Variants in ALDH18A1 observed in about 807,000 individuals in gnomAD.
ALDH18A1 encodes the protein delta-1-pyrroline-5-carboxylate synthase.
In ALDH18A1, 44 loss-of-function variants were observed where a neutral mutation model predicts 88.8. That is an observed-to-expected ratio of 0.50 (90% CI 0.39 to 0.64). The LOEUF (loss-of-function observed/expected upper bound fraction) is 0.64, where lower values mean the gene tolerates loss of function less well. Among genes scored for constraint, ALDH18A1 ranks in the 30% least tolerant of loss-of-function variants. ALDH18A1 has a pLI of 0.00. For synonymous variants in ALDH18A1, 331 were observed against 372.1 expected, an observed-to-expected ratio of 0.89 and a Z score of 1.27; for missense variants, 782 against 1,009.5, an observed-to-expected ratio of 0.77 and a Z score of 3.05.
intron 3 of ALDH18A1, among the ~76,000 whole-genome samples, chr10:95,641,566 T>C (rs1293971962): frequency 2.0e-5 from 3 of 151,888 alleles, no homozygotes; most frequent in Non-Finnish European, 4.4e-5. Context: ...CAGGTTGTAG[T>C]GCAGCGACTT....
intron 15 of ALDH18A1, among the ~76,000 whole-genome samples, chr10:95,612,881 G>A (rs1006494852): frequency 3.3e-5 from 5 of 152,206 alleles, no homozygotes; most frequent in East Asian, 1.9e-4. Context: ...AATCCATGGA[G>A]TACAGTTTCA....
intron 3 of ALDH18A1, among the ~76,000 whole-genome samples, chr10:95,641,259 GCTCA>G (rs1291313015): frequency 6.6e-6 from 1 of 152,084 alleles, no homozygotes; most frequent in East Asian, 1.9e-4. Context: ...TGGACCCATC[GCTCA>G]CTGTCATTTG....
At chr10:95,624,159 A>G (rs2097857237) in intron 11 of ALDH18A1, among the ~76,000 whole-genome samples, 1 of 152,224 alleles carries the variant, frequency 6.6e-6, no homozygotes, top group Non-Finnish European at 1.5e-5. Flanking sequence ...TTCTTTAGAA[A>G]TAGTTTTTGA....
chr10:95,627,614 G>A (rs776074943), intron 8 of ALDH18A1, 28 bp from the exon 9 acceptor site: 2 of 1,613,612 alleles, frequency 1.2e-6, no homozygotes, highest in Non-Finnish European at 1.7e-6. Context: ...ATCCAGTAAA[G>A]ATGAGATTCA....
At chr10:95,622,946 T>C (rs1159171574) in intron 11 of ALDH18A1, among the ~76,000 whole-genome samples, 1 of 152,166 alleles carries the variant, frequency 6.6e-6, no homozygotes, top group Non-Finnish European at 1.5e-5. Flanking sequence ...GGAAGACCAT[T>C]TGAAATCATA....
intron 6 of ALDH18A1, 63 bp downstream of exon 6, chr10:95,633,428 C>T (rs1322001635): frequency 1.3e-6 from 2 of 1,585,308 alleles, no homozygotes; most frequent in African/African-American, 1.3e-5. Flanking sequence ...GGTGTTAGTG[C>T]ATGCAGCATA....
rs2097840257 is a variant in ALDH18A1 at position 95,613,955 on chromosome 10, A to T, written c.1801+11T>A. The T allele has an allele frequency of 6.2e-7, 1 of 1,614,194 alleles. No individual in the cohort carries two copies. Among genetic ancestry groups the T allele is most frequent in the Middle Eastern group, 1.6e-4 (1 of 6,062 alleles). On this transcript the variant is annotated intron_variant, in intron 14 of 17. Coordinates refer to ENST00000371224, the MANE Select transcript of ALDH18A1 (RefSeq NM_002860.4). ...TCTCCGTTGTGAAAGAGAAGACCCC[A>T]TCCAGCTCACCTAGCCTGGTGACCT...
At chr10:95,655,629 A>G (rs2097916758) in intron 1 of ALDH18A1, among the ~76,000 whole-genome samples, 1 of 151,416 alleles carries the variant, frequency 6.6e-6, no homozygotes, top group Non-Finnish European at 1.5e-5. Flanking sequence ...CTGACCAGGC[A>G]GAGTGTATTA....
In ALDH18A1 at chr10:95,626,510, GT is replaced by G. The variant is rs576698681; in HGVS notation, c.1152+192del. Reference sequence around the variant, plus strand: ...TGATGAAAAGTTATCTTGGACCTCTGTCTATAAAAGATAAAACGGAAAATAA... The same window carrying G: ...TGATGAAAAGTTATCTTGGACCTCTGCTATAAAAGATAAAACGGAAAATAA... On this transcript the variant is annotated intron_variant, in intron 10 of 17. Transcript: ENST00000371224. 1.6e-4 allele frequency among the ~76,000 whole-genome samples: 25 copies of G among 152,086 alleles called. No homozygotes were observed. In the East Asian group the frequency reaches 4.4e-3, roughly 27 times the overall value.
intron 17 of ALDH18A1, among the ~76,000 whole-genome samples, chr10:95,607,744 T>TG (rs1377279214): frequency 2.6e-5 from 4 of 152,090 alleles, no homozygotes. Flanking sequence ...GTGGTGGAGC[T>TG]GGGGACACGC....
chr10:95,637,853 G>A (rs1187511483), intron 3 of ALDH18A1, among the ~76,000 whole-genome samples: 6 of 151,914 alleles, frequency 3.9e-5, no homozygotes, highest in Non-Finnish European at 8.8e-5. Context: ...CCAGCTACTT[G>A]GGAGGCTGAG....
chr10:95,651,467 C>T (rs937837024), intron 2 of ALDH18A1, among the ~76,000 whole-genome samples: 3 of 152,124 alleles, frequency 2.0e-5, no homozygotes, highest in African/African-American at 7.2e-5. Context: ...ATACCTGAGG[C>T]TAGGTAATTT....
chr10:95,609,271 C>T (rs1054479713), intron 17 of ALDH18A1, among the ~76,000 whole-genome samples: 2 of 152,206 alleles, frequency 1.3e-5, no homozygotes, highest in Admixed American at 6.5e-5. Context: ...TGGAAAGGGA[C>T]AGAAGTGCCC....
chr10:95,620,098 AC>A (rs1423751401), intron 12 of ALDH18A1, among the ~76,000 whole-genome samples: 7 of 152,224 alleles, frequency 4.6e-5, no homozygotes, highest in African/African-American at 7.2e-5. Context: ...CGAGAAAAAA[AC>A]AACCCCATCA....
chr10:95,617,318 C>A (rs1035838115), intron 12 of ALDH18A1, among the ~76,000 whole-genome samples: 2 of 152,258 alleles, frequency 1.3e-5, no homozygotes, highest in African/African-American at 4.8e-5. Context: ...CCGTGGAGAA[C>A]AGGGTCTTCA....
At chr10:95,635,857 T>C (rs966122363) in intron 5 of ALDH18A1, among the ~76,000 whole-genome samples, 1 of 152,116 alleles carries the variant, frequency 6.6e-6, no homozygotes, top group Non-Finnish European at 1.5e-5. Flanking sequence ...AGCAAAACCA[T>C]AGCTCCCTGA....
At chr10:95,615,776 A>G (rs1255252185) in intron 13 of ALDH18A1, among the ~76,000 whole-genome samples, 1 of 152,216 alleles carries the variant, frequency 6.6e-6, no homozygotes, top group African/African-American at 2.4e-5. Context: ...AAAGAAAAAA[A>G]AGGATCTGGA....
intron 17 of ALDH18A1, among the ~76,000 whole-genome samples, chr10:95,609,039 C>T (rs1180762507): frequency 6.6e-6 from 1 of 152,138 alleles, no homozygotes. Flanking sequence ...CCATGCTCAG[C>T]TAATTTTGTA....
rs1408423524 is a variant in ALDH18A1 at position 95,614,313 on chromosome 10, G to C, written c.1606-152C>G. On this transcript the variant is annotated intron_variant, in intron 13 of 17. Transcript: ENST00000371224. ...ATTCTAAAAACAAAATTAAGTTCCC[G>C]ATCATGGGAATCAAAAAGTTGTCCA... is the stretch of plus-strand genomic sequence containing the variant. 5 of 848,988 alleles carry C rather than the reference G, an allele frequency of 5.9e-6. No individual in the cohort carries two copies. In the African/African-American group the frequency reaches 6.8e-5, roughly 12 times the overall value. The allele number at this position is 848,988 out of a possible 1,614,324, so 52.6% of individuals were successfully genotyped here.
Sources: allele counts gnomAD v4.1 joint callset (sites outside exome capture counted in the v4.1 genomes callset), GRCh38; gene constraint gnomAD v4.1.1; transcripts MANE v1.5; gene names NCBI Gene and HGNC (gene_info 2026-07-23, HGNC 2026-07-21).